The following ELP6 variants were observed in gnomAD, a reference collection of about 807,000 sequenced individuals.
ELP6 encodes elongator acetyltransferase complex subunit 6, also known as elongator complex protein 6.
ELP6 carries 23 observed loss-of-function variants against 28.1 expected under a neutral mutation model. The ratio of observed to expected loss-of-function variants is 0.82; its 90% CI spans 0.59 to 1.16. ELP6 has a LOEUF of 1.16. Ranked by LOEUF, ELP6 falls within the 50% of genes most tolerant of loss-of-function variation. The probability of loss-of-function intolerance (pLI) is 0.00; values close to 1 mark genes in which losing one functional copy is unlikely to be tolerated. For missense variants in ELP6, 313 were observed against 334.6 expected (o/e 0.94, Z 0.50); for synonymous variants, 132 against 135.8 (o/e 0.97, Z 0.19).
At chr3:47,509,731 T>A in intron 3 of ELP6, among the ~76,000 whole-genome samples, 1 of 152,036 alleles carries the variant, frequency 6.6e-6, no homozygotes, top group Admixed American at 6.6e-5. Context: ...GCTGAGATGC[T>A]ACCTTAGCCC....
intron 3 of ELP6, chr3:47,509,963 T>C (rs1378402251): frequency 4.9e-6 from 2 of 408,606 alleles, no homozygotes; most frequent in Middle Eastern, 4.5e-4. Context: ...GGTTTCACCA[T>C]GTTGGCCAGA....
At chr3:47,503,949 GAAACAAAAC>G (rs1708746760) in intron 4 of ELP6, among the ~76,000 whole-genome samples, 4 of 152,104 alleles carry the variant, frequency 2.6e-5, no homozygotes, top group Admixed American at 2.6e-4. Context: ...TAAAAAATAT[GAAACAAAAC>G]AAACAAAACA....
chr3:47,506,640 T>C (rs1330561858), intron 3 of ELP6, among the ~76,000 whole-genome samples: 3 of 152,238 alleles, frequency 2.0e-5, no homozygotes, highest in Non-Finnish European at 1.5e-5. Flanking sequence ...AGGTTATCTC[T>C]CTTGTTTCCT....
At chr3:47,507,630 CAAAAA>C (rs915946145) in intron 3 of ELP6, among the ~76,000 whole-genome samples, 5 of 88,334 alleles carry the variant, frequency 5.7e-5, no homozygotes, top group Non-Finnish European at 7.2e-5. Flanking sequence ...ACCCATTCTC[CAAAAA>C]AAAAAAAAAA....
Position 47,500,315 on chromosome 3 carries a change from C to T in ELP6, c.525+1335G>A, listed in dbSNP as rs77694234. 6.2e-5 allele frequency: 54 copies of T among 875,772 alleles called. 1 individual carries two copies. The East Asian group carries it at 5.1e-3, about 83-fold the overall frequency. 54.3% of individuals were successfully genotyped at this position (875,772 alleles called of 1,614,324 possible). A position where few individuals can be genotyped will look rare whatever the true frequency, so the allele number is the denominator to read the frequency against. Reference sequence around the variant, plus strand: ...AATATGTGCATATACTTTGAGAGGCCGAGGCAGTAGAATCACCTGAGCCCA... The same window carrying T: ...AATATGTGCATATACTTTGAGAGGCTGAGGCAGTAGAATCACCTGAGCCCA... On this transcript the variant is annotated intron_variant, in intron 5 of 6. Coordinates refer to ENST00000296149, the MANE Select transcript of ELP6 (RefSeq NM_001031703.3).
rs775581894 is a variant in ELP6, at chr3:47,513,553, G to T, written c.38C>A (p.Pro13His). 9 of 1,612,732 alleles carry T rather than the reference G, an allele frequency of 5.6e-6. No individual in the cohort carries two copies. The highest frequency in any genetic ancestry group is 5.3e-5 in the African/African-American group (4 of 74,856). The change falls in exon 1 of 7, where the codon CCC becomes CAC. Residue 13 changes from proline to histidine, a missense_variant. Physicochemically the swap from Pro to His is moderately conservative, Grantham distance 77 (BLOSUM62 -2). Transcript: ENST00000296149. ...VELNNLLNTTPDRAEQGKLTL... is the reference protein window; with the variant it reads ...VELNNLLNTTHDRAEQGKLTL... The stretch of plus-strand genomic sequence containing the variant: ...ACCTCTTACCTGCTCCGCCCTGTCG[G>T]GGGTGGTGTTAAGCAGGTTATTAAG...
In ELP6 at chr3:47,501,687, A is replaced by G; in HGVS notation, c.488T>C (p.Ile163Thr). 2 of 1,614,024 alleles carry G rather than the reference A, an allele frequency of 1.2e-6. No individual in the cohort carries two copies. Among genetic ancestry groups the G allele is most frequent in the Non-Finnish European group, 1.7e-6 (2 of 1,179,990 alleles). Residue 163 changes from isoleucine (I) to threonine (T), a missense_variant, in exon 5 of 7, where the codon ATT becomes ACT. Ile to Thr is a moderately conservative substitution (Grantham distance 89). Transcript: ENST00000296149. ...GCACACGGTGGCTCTGCAGTAGTGAATGAAGTCTAGCACAGCCACCGCCCC... is the reference window on the plus strand; with the variant it reads ...GCACACGGTGGCTCTGCAGTAGTGAGTGAAGTCTAGCACAGCCACCGCCCC... Reference protein sequence around the residue: ...GMGAVAVLDFIHYCRATVCWE... With the variant: ...GMGAVAVLDFTHYCRATVCWE...
intron 3 of ELP6, chr3:47,509,813 A>C: frequency 6.3e-6 from 1 of 159,948 alleles, no homozygotes; most frequent in South Asian, 2.0e-4. Context: ...TTCTGTCGCC[A>C]AGCTGGAGTG....
chr3:47,496,139 G>A lies in ELP6; in HGVS notation c.731C>T (p.Thr244Ile). ...TTTGTCCTGTATCTTATACTGGTAA[G>A]TGAAGCTCTGATCCCGGTGGACTGC... The part of the protein sequence containing the change: ...QPAVHRDQSF[T>I]YQYKIQDKSV... Residue 244 changes from threonine (T) to isoleucine (I), a missense_variant, in exon 7 of 7, where the codon ACT becomes ATT. Physicochemically the swap from Thr to Ile is moderately conservative, Grantham distance 89. Coordinates refer to ENST00000296149, the MANE Select transcript of ELP6 (RefSeq NM_001031703.3). 1.2e-6 allele frequency: 2 copies of A among 1,614,188 alleles called. No individual in the cohort carries two copies. Among genetic ancestry groups the A allele is most frequent in the Non-Finnish European group, 1.7e-6 (2 of 1,180,036 alleles).
intron 6 of ELP6, among the ~76,000 whole-genome samples, chr3:47,497,694 G>T (rs375292865): frequency 6.6e-6 from 1 of 151,660 alleles, no homozygotes; most frequent in Non-Finnish European, 1.5e-5. Context: ...GGAAGCAAAG[G>T]GGGGTGGGGG....
At chr3:47,508,086 G>A (rs563656936) in intron 3 of ELP6, among the ~76,000 whole-genome samples, 12 of 152,296 alleles carry the variant, frequency 7.9e-5, no homozygotes, top group East Asian at 1.9e-4. Flanking sequence ...CTCCTGCCCC[G>A]ATGTCTAACA....
intron 2 of ELP6, among the ~76,000 whole-genome samples, chr3:47,510,634 A>G (rs1559594958): frequency 6.6e-6 from 1 of 152,006 alleles, no homozygotes; most frequent in Admixed American, 6.6e-5. Context: ...TAATTTTTGC[A>G]TTTTTTGTAG....
chr3:47,508,043 T>G (rs200301973), intron 3 of ELP6, among the ~76,000 whole-genome samples: 1 of 1,644 alleles, frequency 6.1e-4, no homozygotes, highest in East Asian at 0.17. Flanking sequence ...AATGCAACAT[T>G]ATTTTCTTTA....
intron 3 of ELP6, among the ~76,000 whole-genome samples, chr3:47,508,208 A>T (rs1001396013): frequency 3.3e-4 from 50 of 152,178 alleles, no homozygotes; most frequent in Non-Finnish European, 7.2e-4. Flanking sequence ...GTCCAATAGT[A>T]AGACTGGATT....
In ELP6 at chr3:47,511,203, A is replaced by T. The variant is rs768587716; in HGVS notation, c.78T>A (p.Asp26Glu). 1.2e-6 allele frequency: 2 copies of T among 1,614,158 alleles called. No individual in the cohort carries two copies. Among genetic ancestry groups the T allele is most frequent in the South Asian group, 1.1e-5 (1 of 91,086 alleles). ...CAAGGAAACTCCCATCTGTCTTGGCATCACAGAGTAGAGTCAGTTTCCCCT... is the reference window on the plus strand; with the variant it reads ...CAAGGAAACTCCCATCTGTCTTGGCTTCACAGAGTAGAGTCAGTTTCCCCT... ...AEQGKLTLLCDAKTDGSFLVH... is the reference protein window; with the variant it reads ...AEQGKLTLLCEAKTDGSFLVH... Residue 26 changes from aspartate (D) to glutamate (E), a missense_variant, in exon 2 of 7, where the codon GAT becomes GAA. Asp to Glu is a conservative substitution (Grantham distance 45). Coordinates refer to ENST00000296149, the MANE Select transcript of ELP6 (RefSeq NM_001031703.3).
Position 47,501,656 on chromosome 3 carries a change from T to A in ELP6, c.519A>T (p.Glu173Asp). 1 of 1,614,014 alleles carries A rather than the reference T, an allele frequency of 6.2e-7. No homozygotes were observed. Among genetic ancestry groups the A allele is most frequent in the Non-Finnish European group, 8.5e-7 (1 of 1,179,972 alleles). ...AAGGCAGTTCCATGAGTACCTTTAG[T>A]TCCCAGCACACGGTGGCTCTGCAGT... ...IHYCRATVCW[E>D]LKGNMVVLVH... Residue 173 changes from glutamate to aspartate, a missense_variant, in exon 5 of 7, where the codon GAA (glutamate) becomes GAT (aspartate). By Grantham distance (45) the Glu-to-Asp change is conservative. Transcript: ENST00000296149.
chr3:47,501,069 A>G (rs1275081675), intron 5 of ELP6, among the ~76,000 whole-genome samples: 1 of 152,188 alleles, frequency 6.6e-6, no homozygotes, highest in Non-Finnish European at 1.5e-5. Flanking sequence ...TATTATTGTT[A>G]AAAACCCTAT....
At chr3:47,502,851 T>G (rs901265171) in intron 4 of ELP6, among the ~76,000 whole-genome samples, 4 of 151,092 alleles carry the variant, frequency 2.6e-5, no homozygotes, top group Admixed American at 2.6e-4. Context: ...AAAAAAAAAA[T>G]GAAAAGAAGA....
In ELP6 at chr3:47,501,934, C is replaced by T. The variant is rs566010038; in HGVS notation, c.324-83G>A. On this transcript the variant is annotated intron_variant, in intron 4 of 6. Transcript: ENST00000296149. ...GACCAAGTAGCACGACAGGAGAGGG[C>T]TAAGGGGGACAAAGAACTGTATCAC... 2.3e-6 allele frequency: 3 copies of T among 1,279,378 alleles called. No individual in the cohort carries two copies. In the African/African-American group the frequency reaches 4.5e-5, roughly 19 times the overall value. The allele number at this position is 1,279,378 out of a possible 1,614,324, so 79.3% of individuals were successfully genotyped here.
Sources: allele counts gnomAD v4.1 joint callset (sites outside exome capture counted in the v4.1 genomes callset), GRCh38; gene constraint gnomAD v4.1.1; transcripts MANE v1.5; gene names NCBI Gene and HGNC (gene_info 2026-07-23, HGNC 2026-07-21).